B4GALNT3: variants seen among roughly 807,000 people sequenced by gnomAD.
B4GALNT3 encodes the protein beta-1,4-N-acetylgalactosaminyltransferase 3.
In B4GALNT3, 86 loss-of-function variants were observed where a neutral mutation model predicts 120.2. The ratio of observed to expected loss-of-function variants is 0.72; its 90% CI spans 0.60 to 0.86. The LOEUF (loss-of-function observed/expected upper bound fraction) is 0.86, where lower values mean the gene tolerates loss of function less well. Ranked by LOEUF, B4GALNT3 falls within the 40% of genes least tolerant of loss-of-function variation. B4GALNT3 has a pLI of 0.00. For synonymous variants in B4GALNT3, 518 were observed against 510.4 expected (o/e 1.01, Z -0.20); for missense variants, 1,167 against 1,298.9 (o/e 0.90, Z 1.56).
chr12:461,618 C>G (rs1565584532), intron 1 of B4GALNT3, among the ~76,000 whole-genome samples: 1 of 152,326 alleles, frequency 6.6e-6, no homozygotes, highest in African/African-American at 2.4e-5. Flanking sequence ...TGGGGAAACT[C>G]GGACAGAGTG....
intron 1 of B4GALNT3, among the ~76,000 whole-genome samples, chr12:497,839 T>G (rs1457253493): frequency 6.6e-6 from 1 of 152,192 alleles, no homozygotes; most frequent in Non-Finnish European, 1.5e-5. Flanking sequence ...CTGTTTTTGT[T>G]GCTCTCCTGT....
chr12:552,340 C>A, intron 12 of B4GALNT3, 127 bp from the exon 13 acceptor site: 1 of 976,248 alleles, frequency 1.0e-6, no homozygotes, highest in Non-Finnish European at 1.6e-6. Context: ...CACACACCCG[C>A]TCACCAGCCT....
Position 460,724 on chromosome 12 carries a change from G to T in B4GALNT3, c.169+179G>T, listed in dbSNP as rs1320759935. Among the ~76,000 whole-genome samples the T allele has an allele frequency of 1.3e-5, 2 of 152,124 alleles. No homozygotes were observed. The highest frequency in any genetic ancestry group is 1.5e-5 in the Non-Finnish European group (1 of 68,012). ...GAGCTGCGGGCGGGGGAAGCCGCGG[G>T]GCCGAGCGCAGAATTCCCGAGCCCG... On this transcript the variant is annotated intron_variant, in intron 1 of 19. Coordinates refer to ENST00000266383, the MANE Select transcript of B4GALNT3 (RefSeq NM_173593.4). This position sits in a 1 kb window ranked among gnomAD's most constrained non-coding sequence, Gnocchi z 8.0.
intron 1 of B4GALNT3, among the ~76,000 whole-genome samples, chr12:462,441 T>G (rs571179948): frequency 4.6e-4 from 70 of 150,600 alleles, no homozygotes; most frequent in Non-Finnish European, 8.9e-4. Context: ...GACCTCTGCC[T>G]CTGTCTCCCG....
chr12:550,246 G>A lies in B4GALNT3; in HGVS notation c.997+334G>A, dbSNP rs1947063342. 6.6e-6 allele frequency among the ~76,000 whole-genome samples: 1 copy of A among 152,150 alleles called. No individual in the cohort carries two copies. The highest frequency in any genetic ancestry group is 1.5e-5 in the Non-Finnish European group (1 of 68,046). On this transcript the variant is annotated intron_variant, in intron 10 of 19. Coordinates refer to ENST00000266383, the MANE Select transcript of B4GALNT3 (RefSeq NM_173593.4). The surrounding 1 kb of genome is among the most constrained non-coding windows in gnomAD (Gnocchi z 4.1). ...CGCCTCTTACTGCATTCCAACTCTT[G>A]TCATCCAAGGAGAGAAATACGTGGA... is the stretch of plus-strand genomic sequence containing the variant.
In B4GALNT3 at chr12:561,388, T is replaced by C; in HGVS notation, c.2934T>C (p.Asn978=). 6.2e-7 allele frequency: 1 copy of C among 1,614,072 alleles called. No individual in the cohort carries two copies. The highest frequency in any genetic ancestry group is 8.5e-7 in the Non-Finnish European group (1 of 1,180,008). ...GLDVERLSLR[N]FFHHFHSKRG... Reference sequence around the variant, plus strand: ...ACGTGGAGCGTCTCTCCCTCAGGAATTTCTTCCATCATTTCCATTCCAAGC... The same window carrying C: ...ACGTGGAGCGTCTCTCCCTCAGGAACTTCTTCCATCATTTCCATTCCAAGC... Residue 978 remains asparagine, a synonymous_variant, in exon 20 of 20, where the codon AAT becomes AAC. Transcript: ENST00000266383.
intron 13 of B4GALNT3, 155 bp from the exon 14 acceptor site, chr12:553,039 T>C: frequency 9.3e-7 from 1 of 1,074,876 alleles, no homozygotes; most frequent in Non-Finnish European, 1.3e-6. Context: ...GTTGAGTACC[T>C]TGCCCAGGGT....
chr12:496,269 T>TA lies in B4GALNT3; in HGVS notation c.169+35734dup, dbSNP rs577783776. On this transcript the variant is annotated intron_variant, in intron 1 of 19. Coordinates refer to ENST00000266383, the MANE Select transcript of B4GALNT3 (RefSeq NM_173593.4). ...CTCCCTGGATGTCTTCATTTACTCT[T>TA]AAAAAAAAAATTGAGCTGGATTTCA... is the stretch of plus-strand genomic sequence containing the variant. 3.5e-3 allele frequency among the ~76,000 whole-genome samples: 525 copies of TA among 150,168 alleles called. 3 individuals are homozygous for TA. Among genetic ancestry groups the TA allele is most frequent in the African/African-American group, 0.011 (454 of 40,978 alleles).
intron 1 of B4GALNT3, among the ~76,000 whole-genome samples, chr12:494,175 T>TG (rs1946368665): frequency 6.7e-6 from 1 of 149,406 alleles, no homozygotes; most frequent in African/African-American, 2.5e-5. Context: ...GAGGCTGAGG[T>TG]GGGGAGGTGG....
At chr12:528,676 C>A (rs149419410) in intron 1 of B4GALNT3, among the ~76,000 whole-genome samples, 1 of 152,242 alleles carries the variant, frequency 6.6e-6, no homozygotes, top group Non-Finnish European at 1.5e-5. Flanking sequence ...AGGTTTCTGG[C>A]GGGGTTCAGG....
intron 1 of B4GALNT3, among the ~76,000 whole-genome samples, chr12:519,867 A>G (rs1187737633): frequency 6.6e-6 from 1 of 152,224 alleles, no homozygotes; most frequent in Non-Finnish European, 1.5e-5. Flanking sequence ...AGCGCTCGCC[A>G]TAACCCTTGG....
chr12:525,092 T>TTATTTGTTTATTTATG (rs1555156528), intron 1 of B4GALNT3, among the ~76,000 whole-genome samples: 2 of 151,000 alleles, frequency 1.3e-5, no homozygotes, highest in Admixed American at 1.3e-4. Flanking sequence ...ACAATTTTAT[T>TTATTTGTTTATTTATG]TATTTATTTA....
intron 14 of B4GALNT3, among the ~76,000 whole-genome samples, chr12:555,594 A>G (rs1350045724): frequency 6.6e-6 from 1 of 152,210 alleles, no homozygotes; most frequent in Non-Finnish European, 1.5e-5. Flanking sequence ...TGTCTTGGGT[A>G]TATATCTAGG....
chr12:526,275 T>C (rs1946758594), intron 1 of B4GALNT3, among the ~76,000 whole-genome samples: 1 of 152,190 alleles, frequency 6.6e-6, no homozygotes, highest in Non-Finnish European at 1.5e-5. Flanking sequence ...ACTCATTTGC[T>C]CATTCTTTCT....
rs760061774 is a variant in B4GALNT3, at chr12:460,524, G to A, written c.148G>A (p.Gly50Ser). 1.5e-5 allele frequency: 24 copies of A among 1,548,786 alleles called. No individual in the cohort carries two copies. Among genetic ancestry groups the A allele is most frequent in the Admixed American group, 1.8e-5 (1 of 54,314 alleles). Residue 50 changes from glycine to serine, a missense_variant, in exon 1 of 20, where the codon GGC becomes AGC. Physicochemically the swap from Gly to Ser is moderately conservative, Grantham distance 56. Around this residue, in one of 3 missense-constraint regions of B4GALNT3, gnomAD observed 171 missense variants for 161.3 expected, o/e 1.06. Coordinates refer to ENST00000266383, the MANE Select transcript of B4GALNT3 (RefSeq NM_173593.4). The surrounding 1 kb of genome is among the most constrained non-coding windows in gnomAD (Gnocchi z 8.0). ...GGAACTGGTGGCGTCGGCCCAGGTC[G>A]GCGGGAACCCCCTGAACCGGAGTAA... ...YLELVASAQV[G>S]GNPLNRRYGS...
chr12:503,019 G>A (rs985572546), intron 1 of B4GALNT3, among the ~76,000 whole-genome samples: 2 of 152,012 alleles, frequency 1.3e-5, no homozygotes, highest in Admixed American at 6.6e-5. Flanking sequence ...TTGGCTTCCC[G>A]AAGTGCTGGG....
At chr12:522,470 A>G (rs999621403) in intron 1 of B4GALNT3, among the ~76,000 whole-genome samples, 2 of 152,234 alleles carry the variant, frequency 1.3e-5, no homozygotes, top group African/African-American at 4.8e-5. Flanking sequence ...AGTCAAATTC[A>G]TAGAGACAGA....
chr12:516,282 TAGAAAG>T (rs1946654868), intron 1 of B4GALNT3, among the ~76,000 whole-genome samples: 1 of 151,966 alleles, frequency 6.6e-6, no homozygotes, highest in Non-Finnish European at 1.5e-5. Flanking sequence ...AATACAGAGT[TAGAAAG>T]AGAGTGATAG....
At chr12:546,218 G>GC (rs1947005561) in intron 6 of B4GALNT3, among the ~76,000 whole-genome samples, 3 of 110,902 alleles carry the variant, frequency 2.7e-5, no homozygotes, top group Admixed American at 1.8e-4. Context: ...AGGGAGGGGG[G>GC]TGTGGGAGGA....
Sources: gnomAD v4.1 joint callset for allele counts (sites outside exome capture counted in the v4.1 genomes callset) on GRCh38, gnomAD v4.1.1 for gene constraint, gnomAD v4.1.1 regional missense constraint, Gnocchi (gnomAD v3.1) non-coding constraint, MANE v1.5 for transcripts, NCBI Gene and HGNC (gene_info 2026-07-23, HGNC 2026-07-21) for gene names.